SH3PXD2A: variants seen among roughly 807,000 people sequenced by gnomAD.
SH3PXD2A encodes the protein SH3 and PX domains 2A.
In SH3PXD2A, 32 loss-of-function variants were observed where a neutral mutation model predicts 115.2. The ratio of observed to expected loss-of-function variants is 0.28; its 90% CI spans 0.21 to 0.37. The LOEUF is 0.37. SH3PXD2A is among the 10% of genes least tolerant of loss of function. SH3PXD2A has a pLI of 1.00. For synonymous variants in SH3PXD2A, 610 were observed against 629.1 expected (o/e 0.97, Z 0.45); for missense variants, 1,328 against 1,498.7 (o/e 0.89, Z 1.88).
intron 10 of SH3PXD2A, among the ~76,000 whole-genome samples, chr10:103,621,532 A>G (rs1294647135): frequency 6.6e-6 from 1 of 152,154 alleles, no homozygotes; most frequent in Non-Finnish European, 1.5e-5. Context: ...ATTTAGAACC[A>G]AGCTGTGAGG....
intron 6 of SH3PXD2A, among the ~76,000 whole-genome samples, chr10:103,674,749 A>C (rs928315419): frequency 6.6e-6 from 1 of 152,068 alleles, no homozygotes; most frequent in Non-Finnish European, 1.5e-5. Flanking sequence ...GAACCTGGGA[A>C]GTGGAGCTTG....
intron 5 of SH3PXD2A, chr10:103,693,502 C>A (rs2037787423): frequency 6.6e-6 from 1 of 150,966 alleles, no homozygotes; most frequent in South Asian, 2.2e-4. Flanking sequence ...GCATGGCTTG[C>A]CCTAGCGATG....
chr10:103,718,795 A>ACG (rs1564872270), intron 5 of SH3PXD2A, among the ~76,000 whole-genome samples: 3 of 150,540 alleles, frequency 2.0e-5, no homozygotes, highest in Non-Finnish European at 4.4e-5. Flanking sequence ...ACACACACAC[A>ACG]CACGCACATA....
At position 103,779,124 on chromosome 10, in the gene SH3PXD2A, A is replaced by G. The variant is rs2038908358; in HGVS notation, c.154-11955T>C. 2.6e-5 allele frequency among the ~76,000 whole-genome samples: 4 copies of G among 152,270 alleles called. No individual in the cohort carries two copies. In the South Asian group the frequency reaches 8.3e-4, roughly 32 times the overall value. On this transcript the variant is annotated intron_variant, in intron 2 of 14. Coordinates refer to ENST00000369774, the MANE Select transcript of SH3PXD2A (RefSeq NM_001394015.1). ...TGCTCCGTCGCCCAGGCTGGAGTGT[A>G]CTGACACGATCCCGGCTCACTGCAA... is the stretch of plus-strand genomic sequence containing the variant.
At chr10:103,825,713 T>C (rs1216448859) in intron 1 of SH3PXD2A, among the ~76,000 whole-genome samples, 1 of 151,776 alleles carries the variant, frequency 6.6e-6, no homozygotes, top group Non-Finnish European at 1.5e-5. Flanking sequence ...TAGTTCTGTA[T>C]GAAGCTGAGA....
intron 5 of SH3PXD2A, among the ~76,000 whole-genome samples, chr10:103,709,347 T>C (rs1452123754): frequency 1.3e-5 from 2 of 152,086 alleles, no homozygotes; most frequent in African/African-American, 4.8e-5. Flanking sequence ...CCATTTCCCT[T>C]CTCTGGACTG....
Position 103,646,888 on chromosome 10 carries a change from A to C in SH3PXD2A, c.604+14095T>G, listed in dbSNP as rs569140063. ...TATTCTACCACTGTTTAACAGGAAGATCCAAGTACCTGAGGGCAGAGAGAT... is the reference window on the plus strand; with the variant it reads ...TATTCTACCACTGTTTAACAGGAAGCTCCAAGTACCTGAGGGCAGAGAGAT... On this transcript the variant is annotated intron_variant, in intron 8 of 14. Coordinates refer to ENST00000369774, the MANE Select transcript of SH3PXD2A (RefSeq NM_001394015.1). Among the ~76,000 whole-genome samples, 65 of 152,262 alleles carry C rather than the reference A, an allele frequency of 4.3e-4. 1 individual carries two copies. The highest frequency in any genetic ancestry group is 1.4e-3 in the African/African-American group (59 of 41,534).
chr10:103,728,370 T>C (rs1303945874), intron 4 of SH3PXD2A, among the ~76,000 whole-genome samples: 1 of 152,248 alleles, frequency 6.6e-6, no homozygotes, highest in East Asian at 1.9e-4. Flanking sequence ...GCTGCCATTG[T>C]CATTCTTTAG....
chr10:103,643,078 A>G (rs534397520), intron 8 of SH3PXD2A, among the ~76,000 whole-genome samples: 8 of 152,346 alleles, frequency 5.3e-5, no homozygotes, highest in African/African-American at 1.9e-4. Flanking sequence ...ATTTCTGGGG[A>G]ATTTTAAATA....
At chr10:103,608,737 GA>G (rs2036377039) in intron 13 of SH3PXD2A, 1 of 152,016 alleles carries the variant, frequency 6.6e-6, no homozygotes, top group Non-Finnish European at 1.5e-5. Flanking sequence ...CAAAGTGCTG[GA>G]ATTACAGGCA....
chr10:103,709,103 T>A (rs568598233), intron 5 of SH3PXD2A, among the ~76,000 whole-genome samples: 2 of 152,062 alleles, frequency 1.3e-5, no homozygotes, highest in Non-Finnish European at 2.9e-5. Flanking sequence ...TCTGAGCCAT[T>A]CAGAGGAGCC....
chr10:103,778,368 C>T (rs111228749), intron 2 of SH3PXD2A, among the ~76,000 whole-genome samples: 8,779 of 152,154 alleles, frequency 0.058, 707 homozygotes, highest in East Asian at 0.29. Context: ...ATAGGTAGAG[C>T]GCTTTAACAC....
intron 5 of SH3PXD2A, among the ~76,000 whole-genome samples, chr10:103,696,646 C>G (rs117176468): frequency 1.3e-5 from 2 of 152,172 alleles, no homozygotes. Context: ...TGAATCATAT[C>G]GGCCAGGGAG....
chr10:103,804,515 G>A (rs2039181836), intron 1 of SH3PXD2A, among the ~76,000 whole-genome samples: 1 of 151,640 alleles, frequency 6.6e-6, no homozygotes, highest in South Asian at 2.1e-4. Context: ...GTAGAGACAG[G>A]GTTTCACCAT....
intron 2 of SH3PXD2A, among the ~76,000 whole-genome samples, chr10:103,798,728 A>C (rs1432295965): frequency 6.6e-6 from 1 of 152,220 alleles, no homozygotes; most frequent in African/African-American, 2.4e-5. Flanking sequence ...CCCCTGGGCC[A>C]CACCCCAGCT....
Position 103,620,074 on chromosome 10 carries a change from TG to T in SH3PXD2A, c.802+2395del, listed in dbSNP as rs2036580606. Among the ~76,000 whole-genome samples, 3 of 152,182 alleles carry T rather than the reference TG, an allele frequency of 2.0e-5. No homozygotes were observed. In the South Asian group the frequency reaches 6.2e-4, roughly 32 times the overall value. ...ACTTGCCTGGGCCACAAACCCCATC[TG>T]GGGGCGCCAGACAAGAGGAGGCCCA... On this transcript the variant is annotated intron_variant, in intron 10 of 14. Transcript: ENST00000369774. The surrounding 1 kb of genome is among the most constrained non-coding windows in gnomAD (Gnocchi z 5.3).
At chr10:103,817,355 T>C (rs2039335053) in intron 1 of SH3PXD2A, among the ~76,000 whole-genome samples, 2 of 152,084 alleles carry the variant, frequency 1.3e-5, no homozygotes, top group Non-Finnish European at 2.9e-5. Flanking sequence ...TCTATCTTTG[T>C]GTTCATAAGT....
At chr10:103,772,152 CA>C (rs1441825290) in intron 2 of SH3PXD2A, among the ~76,000 whole-genome samples, 2 of 152,212 alleles carry the variant, frequency 1.3e-5, no homozygotes, top group East Asian at 3.8e-4. Flanking sequence ...CAAAGCTGCA[CA>C]GTTCAGCATC....
At chr10:103,625,106 C>G (rs1592269323) in intron 9 of SH3PXD2A, among the ~76,000 whole-genome samples, 1 of 152,226 alleles carries the variant, frequency 6.6e-6, no homozygotes, top group East Asian at 1.9e-4. Flanking sequence ...CTTCCTCCAT[C>G]AAGGTCAAAA....
Sources: gnomAD v4.1 joint callset for allele counts (sites outside exome capture counted in the v4.1 genomes callset) on GRCh38, gnomAD v4.1.1 for gene constraint, Gnocchi (gnomAD v3.1) non-coding constraint, MANE v1.5 for transcripts, NCBI Gene and HGNC (gene_info 2026-07-23, HGNC 2026-07-21) for gene names.